ENTREP2: variants seen among roughly 807,000 people sequenced by gnomAD.
ENTREP2 encodes the protein protein ENTREP2.
the ENTREP2 span, chr15:29,268,945 G>C: frequency 1.2e-6 from 2 of 1,614,176 alleles, no homozygotes; most frequent in East Asian, 4.5e-5. Flanking sequence ...TTCCAGGTTG[G>C]TTCGCGGGCC....
chr15:29,613,032 C>T, the ENTREP2 span, among the ~76,000 whole-genome samples: 1 of 152,128 alleles, frequency 6.6e-6, no homozygotes, highest in Non-Finnish European at 1.5e-5. Context: ...CCTAACTCCC[C>T]CAGAATTTGC....
the ENTREP2 span, among the ~76,000 whole-genome samples, chr15:29,491,956 A>C: frequency 6.6e-5 from 10 of 152,334 alleles, no homozygotes; most frequent in Middle Eastern, 3.4e-3. Context: ...CACTCCATGA[A>C]AAGCTCAAAC....
At chr15:29,283,513 C>A in the ENTREP2 span, among the ~76,000 whole-genome samples, 5 of 152,064 alleles carry the variant, frequency 3.3e-5, no homozygotes, top group Non-Finnish European at 5.9e-5. Flanking sequence ...CATGCCTGGC[C>A]CCATCTCTAT....
At chr15:29,566,846 TACACAC>T in the ENTREP2 span, among the ~76,000 whole-genome samples, 421 of 146,172 alleles carry the variant, frequency 2.9e-3, 5 homozygotes, top group African/African-American at 0.01. Context: ...AAAGGAAAAA[TACACAC>T]ACACACACAC....
chr15:29,625,320 C>T, the ENTREP2 span, among the ~76,000 whole-genome samples: 20 of 152,268 alleles, frequency 1.3e-4, no homozygotes, highest in South Asian at 2.9e-3. Context: ...TGAATAAAAT[C>T]GCTGTGAGTG....
chr15:29,222,486 C>T, the ENTREP2 span, among the ~76,000 whole-genome samples: 1 of 152,118 alleles, frequency 6.6e-6, no homozygotes, highest in African/African-American at 2.4e-5. Flanking sequence ...TGCGCAAGAT[C>T]CAATAGCCCT....
the ENTREP2 span, among the ~76,000 whole-genome samples, chr15:29,662,723 T>C: frequency 3.3e-5 from 5 of 151,998 alleles, no homozygotes; most frequent in Non-Finnish European, 7.4e-5. Context: ...TTCTTTTTCT[T>C]TTTTTTCTTT....
the ENTREP2 span, among the ~76,000 whole-genome samples, chr15:29,667,288 T>G: frequency 1.3e-5 from 2 of 150,384 alleles, no homozygotes; most frequent in South Asian, 2.1e-4. Flanking sequence ...CCCGGGTTCA[T>G]GCCATTCTCC....
At chr15:29,426,503 G>GT in the ENTREP2 span, among the ~76,000 whole-genome samples, 1 of 152,116 alleles carries the variant, frequency 6.6e-6, no homozygotes, top group Admixed American at 6.5e-5. Flanking sequence ...CGTCTTACAT[G>GT]TATCTTCCAT....
the ENTREP2 span, among the ~76,000 whole-genome samples, chr15:29,408,129 T>C: frequency 1.3e-5 from 2 of 152,168 alleles, no homozygotes; most frequent in African/African-American, 4.8e-5. Context: ...GGCAACGATC[T>C]AATATGTGCT....
chr15:29,133,016 C>T, the ENTREP2 span, among the ~76,000 whole-genome samples: 2 of 152,162 alleles, frequency 1.3e-5, no homozygotes, highest in African/African-American at 2.4e-5. Flanking sequence ...ACACCCCTGC[C>T]GCCTTCAGGG....
the ENTREP2 span, among the ~76,000 whole-genome samples, chr15:29,467,163 G>C: frequency 3.6e-4 from 55 of 152,210 alleles, no homozygotes; most frequent in South Asian, 1.7e-3. Flanking sequence ...GGTGGAGGGA[G>C]GGAATCCAGC....
At chr15:29,634,130 T>C in the ENTREP2 span, among the ~76,000 whole-genome samples, 1 of 152,054 alleles carries the variant, frequency 6.6e-6, no homozygotes, top group African/African-American at 2.4e-5. Context: ...GGTCTTCAGA[T>C]GCCCCTTCAT....
At chr15:29,629,953 C>T in the ENTREP2 span, among the ~76,000 whole-genome samples, 10 of 152,106 alleles carry the variant, frequency 6.6e-5, no homozygotes, top group African/African-American at 2.4e-4. Flanking sequence ...CCCATCTCTA[C>T]TAAAAATACA....
the ENTREP2 span, among the ~76,000 whole-genome samples, chr15:29,657,488 G>GA: frequency 8.2e-6 from 1 of 121,792 alleles, no homozygotes; most frequent in Middle Eastern, 3.7e-3. Context: ...GGGGGCGGGG[G>GA]GGGGGGGTGG....
chr15:29,591,688 T>C, the ENTREP2 span, among the ~76,000 whole-genome samples: 2 of 151,612 alleles, frequency 1.3e-5, no homozygotes, highest in Non-Finnish European at 2.9e-5. Flanking sequence ...AATAAAAAAA[T>C]ACAGCCAGGC....
chr15:29,452,075 GC>G, the ENTREP2 span, among the ~76,000 whole-genome samples: 2 of 152,094 alleles, frequency 1.3e-5, no homozygotes, highest in African/African-American at 2.4e-5. Context: ...TGTTTTCTAA[GC>G]CACATTTTAC....
At chr15:29,333,588 C>A in the ENTREP2 span, among the ~76,000 whole-genome samples, 1 of 152,206 alleles carries the variant, frequency 6.6e-6, no homozygotes, top group Non-Finnish European at 1.5e-5. Flanking sequence ...GATCCCCCTT[C>A]CTCATTTGCA....
At chr15:29,138,194 T>A in the ENTREP2 span, among the ~76,000 whole-genome samples, 2 of 151,538 alleles carry the variant, frequency 1.3e-5, no homozygotes, top group East Asian at 3.9e-4. Context: ...ACTTCATGAG[T>A]TCCAGAACAT....
Sources: allele counts gnomAD v4.1 joint callset (sites outside exome capture counted in the v4.1 genomes callset), GRCh38; gene constraint gnomAD v4.1.1; transcripts MANE v1.5; gene names NCBI Gene and HGNC (gene_info 2026-07-23, HGNC 2026-07-21).